PAK1: variants seen among roughly 807,000 people sequenced by gnomAD.
PAK1 encodes the protein serine/threonine-protein kinase PAK 1.
In PAK1, 29 loss-of-function variants were observed where a neutral mutation model predicts 67.4. The ratio of observed to expected loss-of-function variants is 0.43; its 90% CI spans 0.32 to 0.59. The LOEUF is 0.59. PAK1 is among the 20% of genes least tolerant of loss of function. The probability of loss-of-function intolerance (pLI) is 0.07; values close to 1 mark genes in which losing one functional copy is unlikely to be tolerated. For missense variants in PAK1, 337 were observed against 670.7 expected, an observed-to-expected ratio of 0.50 and a Z score of 5.50; for synonymous variants, 223 against 237.4, an observed-to-expected ratio of 0.94 and a Z score of 0.56.
chr11:77,481,343 G>C, the PAK1 span, among the ~76,000 whole-genome samples: 1 of 152,078 alleles, frequency 6.6e-6, no homozygotes, highest in African/African-American at 2.4e-5. Flanking sequence ...GTGATTCTCT[G>C]TTGTTAGGCC....
At chr11:77,508,346 G>A in the PAK1 span, among the ~76,000 whole-genome samples, 1 of 152,156 alleles carries the variant, frequency 6.6e-6, no homozygotes, top group Admixed American at 6.5e-5. Flanking sequence ...TCTTACAGGG[G>A]AGTCATTATC....
At chr11:77,502,334 G>C in the PAK1 span, among the ~76,000 whole-genome samples, 1 of 152,116 alleles carries the variant, frequency 6.6e-6, no homozygotes, top group Admixed American at 6.5e-5. Context: ...CTTCATAAAT[G>C]TCTATTATTT....
intron 14 of PAK1, among the ~76,000 whole-genome samples, chr11:77,324,812 GAA>G (rs1389407823): frequency 2.0e-5 from 3 of 151,784 alleles, no homozygotes. Flanking sequence ...GAGAGAAAGA[GAA>G]AGAGAGAGAA....
At chr11:77,509,587 A>C in the PAK1 span, among the ~76,000 whole-genome samples, 3 of 152,142 alleles carry the variant, frequency 2.0e-5, no homozygotes, top group African/African-American at 7.2e-5. Flanking sequence ...CCCCACCCAG[A>C]TCTCATGTTG....
chr11:77,358,342 C>A (rs1946323169), intron 6 of PAK1, among the ~76,000 whole-genome samples: 1 of 131,062 alleles, frequency 7.6e-6, no homozygotes, highest in Non-Finnish European at 1.7e-5. Context: ...GGGACCATGG[C>A]TATTCTCAGA....
At chr11:77,429,055 CT>C (rs1955715401) in intron 1 of PAK1, among the ~76,000 whole-genome samples, 3 of 20,030 alleles carry the variant, frequency 1.5e-4, no homozygotes, top group East Asian at 2.3e-3. Context: ...CCATTTAATA[CT>C]AAAAAAAAAA....
intron 4 of PAK1, among the ~76,000 whole-genome samples, chr11:77,374,886 G>T (rs1030498310): frequency 1.2e-4 from 19 of 152,154 alleles, no homozygotes; most frequent in African/African-American, 3.9e-4. Context: ...GTAAATAAAA[G>T]GATACACCTA....
At chr11:77,391,588 C>T (rs1163155330) in intron 2 of PAK1, among the ~76,000 whole-genome samples, 1 of 152,220 alleles carries the variant, frequency 6.6e-6, no homozygotes, top group Non-Finnish European at 1.5e-5. Context: ...GCAACAGCCA[C>T]TTAAATCAAC....
At chr11:77,470,251 A>G (rs1321066890) in intron 1 of PAK1, among the ~76,000 whole-genome samples, 1 of 152,218 alleles carries the variant, frequency 6.6e-6, no homozygotes, top group East Asian at 1.9e-4. Flanking sequence ...AAATTTTTTA[A>G]AAGTCTGCCT....
At chr11:77,347,495 T>G (rs1053648617) in intron 9 of PAK1, among the ~76,000 whole-genome samples, 3 of 152,248 alleles carry the variant, frequency 2.0e-5, no homozygotes, top group Non-Finnish European at 4.4e-5. Flanking sequence ...CATAGAGTTC[T>G]TTTCAGGATT....
chr11:77,476,085 G>A (rs1341698791), upstream of PAK1: 3 of 152,226 alleles, frequency 2.0e-5, no homozygotes, highest in Admixed American at 6.5e-5. Context: ...CAGGAGAATT[G>A]CTTAAACCCA....
At chr11:77,335,064 G>A (rs1204703797) in intron 13 of PAK1, among the ~76,000 whole-genome samples, 1 of 152,000 alleles carries the variant, frequency 6.6e-6, no homozygotes, top group Non-Finnish European at 1.5e-5. Context: ...TTCATCTCCA[G>A]GACACTTCAC....
At chr11:77,343,095 G>C (rs764305838) in intron 10 of PAK1, among the ~76,000 whole-genome samples, 2 of 152,016 alleles carry the variant, frequency 1.3e-5, no homozygotes, top group Admixed American at 6.6e-5. Context: ...TACTGTTCAT[G>C]AAAGTGCTTG....
intron 9 of PAK1, among the ~76,000 whole-genome samples, chr11:77,344,957 T>TC (rs1304463006): frequency 3.3e-5 from 5 of 152,108 alleles, no homozygotes; most frequent in Non-Finnish European, 7.3e-5. Context: ...TGGTATCTAG[T>TC]CCCCCTTCCT....
chr11:77,402,146 T>C lies in PAK1; in HGVS notation c.-21-9605A>G, dbSNP rs570743279. Reference sequence around the variant, plus strand: ...AAAGAGTGATAAAAACATTACTAGCTTCTGATTATTCTCTTGAAAACTCTC... The same window carrying C: ...AAAGAGTGATAAAAACATTACTAGCCTCTGATTATTCTCTTGAAAACTCTC... On this transcript the variant is annotated intron_variant, in intron 1 of 14. Transcript: ENST00000356341. Among the ~76,000 whole-genome samples, 82 of 152,320 alleles carry C rather than the reference T, an allele frequency of 5.4e-4. 1 individual carries two copies. The South Asian group carries it at 0.016, about 29-fold the overall frequency.
At chr11:77,352,436 A>G (rs1035860593) in intron 8 of PAK1, among the ~76,000 whole-genome samples, 1 of 152,230 alleles carries the variant, frequency 6.6e-6, no homozygotes, top group Non-Finnish European at 1.5e-5. Context: ...TGGTGGTCCC[A>G]TAAGATTATG....
At chr11:77,441,772 CT>C (rs1956012392) in intron 1 of PAK1, among the ~76,000 whole-genome samples, 1 of 152,202 alleles carries the variant, frequency 6.6e-6, no homozygotes, top group Non-Finnish European at 1.5e-5. Context: ...TCATGTAAAA[CT>C]GAATGTGAGT....
chr11:77,345,475 T>C (rs2853103), intron 9 of PAK1, among the ~76,000 whole-genome samples: 37,450 of 152,194 alleles, frequency 0.25, 5,696 homozygotes, highest in South Asian at 0.45. Context: ...CAGAACTAAG[T>C]TGTCTTTCTA....
In PAK1 at chr11:77,393,285, AAGAGAGAG is replaced by A. The variant is rs35216521; in HGVS notation, c.-21-752_-21-745del. Among the ~76,000 whole-genome samples the A allele has an allele frequency of 7.3e-4, 104 of 141,830 alleles. 1 individual carries two copies. The highest frequency in any genetic ancestry group is 2.5e-3 in the African/African-American group (94 of 38,010). 93.0% of individuals were successfully genotyped at this position (141,830 alleles called of 152,430 possible). A position where few individuals can be genotyped will look rare whatever the true frequency, so the allele number is the denominator to read the frequency against. The stretch of plus-strand genomic sequence containing the variant: ...TTCTACCTTGTTCTTTAAAAAAAAA[AAGAGAGAG>A]AGAGAGAGAGAGAGAGAGAGATGGG... On this transcript the variant is annotated intron_variant, in intron 1 of 14. Coordinates refer to ENST00000356341, the MANE Select transcript of PAK1 (RefSeq NM_002576.5).
Sources: allele counts gnomAD v4.1 joint callset (sites outside exome capture counted in the v4.1 genomes callset), GRCh38; gene constraint gnomAD v4.1.1; transcripts MANE v1.5; gene names NCBI Gene and HGNC (gene_info 2026-07-23, HGNC 2026-07-21).